Variants in RBFOX1 observed in about 807,000 individuals in gnomAD.
The protein encoded by RBFOX1 is RNA binding protein fox-1 homolog 1.
RBFOX1 carries 8 observed loss-of-function variants against 57.7 expected under a neutral mutation model. The observed-to-expected ratio is 0.14, with a 90% confidence interval of 0.08 to 0.25. The LOEUF is 0.25. Among genes scored for constraint, RBFOX1 ranks in the 10% least tolerant of loss-of-function variants. The probability of loss-of-function intolerance (pLI) is 1.00; values close to 1 mark genes in which losing one functional copy is unlikely to be tolerated. For missense variants in RBFOX1, 611 were observed against 548.5 expected (o/e 1.11, Z -1.14); for synonymous variants, 326 against 222.4 (o/e 1.47, Z -4.15).
At chr16:7,444,942 C>T (rs1166044027) in intron 4 of RBFOX1, among the ~76,000 whole-genome samples, 5 of 152,158 alleles carry the variant, frequency 3.3e-5, no homozygotes, top group East Asian at 1.9e-4. Flanking sequence ...TCAACAAATC[C>T]GTAATCATGG....
chr16:7,304,236 GA>G (rs2096114593), intron 4 of RBFOX1: 6 of 983,262 alleles, frequency 6.1e-6, no homozygotes, highest in African/African-American at 1.8e-5. Context: ...GAGAGAGAGA[GA>G]GAGAGAGAGA....
At chr16:7,119,050 G>A (rs557393195) in intron 4 of RBFOX1, among the ~76,000 whole-genome samples, 7 of 152,136 alleles carry the variant, frequency 4.6e-5, no homozygotes, top group Non-Finnish European at 8.8e-5. Context: ...TTGCAGGTGG[G>A]GCATTTTGTA....
intron 4 of RBFOX1, among the ~76,000 whole-genome samples, chr16:7,176,465 C>T (rs892512414): frequency 6.6e-6 from 1 of 151,928 alleles, no homozygotes; most frequent in Admixed American, 6.6e-5. Flanking sequence ...TACGAGGTAT[C>T]TATTATGTCA....
intron 2 of RBFOX1, among the ~76,000 whole-genome samples, chr16:6,336,528 GTAGAGAGGGCTGGATTTATAATC>G: frequency 6.6e-6 from 1 of 152,148 alleles, no homozygotes; most frequent in East Asian, 1.9e-4. Flanking sequence ...ATGATGTGCT[GTAGAGAGGGCTGGATTTATAATC>G]TAGAGAGGGC....
At chr16:5,325,505 T>C (rs1246171306) in intron 1 of RBFOX1, among the ~76,000 whole-genome samples, 1 of 152,194 alleles carries the variant, frequency 6.6e-6, no homozygotes, top group Non-Finnish European at 1.5e-5. Context: ...TTTTAACACA[T>C]ATATAGATTT....
chr16:7,419,533 C>G (rs1291251199), intron 4 of RBFOX1, among the ~76,000 whole-genome samples: 1 of 152,224 alleles, frequency 6.6e-6, no homozygotes, highest in Admixed American at 6.5e-5. Flanking sequence ...TTGAATAATA[C>G]ATCTGATTAC....
At chr16:7,089,381 G>A (rs571581749) in intron 4 of RBFOX1, among the ~76,000 whole-genome samples, 1 of 151,588 alleles carries the variant, frequency 6.6e-6, no homozygotes, top group South Asian at 2.1e-4. Context: ...AATTTTGAAT[G>A]TTTACAAATG....
intron 3 of RBFOX1, among the ~76,000 whole-genome samples, chr16:7,046,886 G>A (rs112536769): frequency 2.6e-5 from 4 of 151,948 alleles, no homozygotes; most frequent in Admixed American, 2.0e-4. Flanking sequence ...AATTACAGGC[G>A]TGAGCCCCTG....
intron 4 of RBFOX1, among the ~76,000 whole-genome samples, chr16:7,392,731 G>A (rs1009528920): frequency 2.0e-5 from 3 of 152,126 alleles, no homozygotes; most frequent in African/African-American, 7.2e-5. Flanking sequence ...CTTCAGGAGT[G>A]GTTTTGGCTA....
intron 4 of RBFOX1, among the ~76,000 whole-genome samples, chr16:7,130,887 G>A (rs1183501272): frequency 6.6e-6 from 1 of 152,122 alleles, no homozygotes; most frequent in Non-Finnish European, 1.5e-5. Flanking sequence ...GAGATGATGA[G>A]GCGACAGTGA....
intron 4 of RBFOX1, among the ~76,000 whole-genome samples, chr16:5,925,327 A>G (rs890746941): frequency 1.3e-5 from 2 of 152,226 alleles, no homozygotes; most frequent in Non-Finnish European, 2.9e-5. Context: ...TCAGCCTTGA[A>G]AAGGAATGAA....
chr16:5,657,410 G>A (rs2049464676), intron 3 of RBFOX1, among the ~76,000 whole-genome samples: 1 of 152,106 alleles, frequency 6.6e-6, no homozygotes, highest in Non-Finnish European at 1.5e-5. Context: ...GATGAAATTG[G>A]GACTGGAGTG....
intron 2 of RBFOX1, among the ~76,000 whole-genome samples, chr16:6,437,419 G>C (rs2094266103): frequency 6.6e-6 from 1 of 151,978 alleles, no homozygotes; most frequent in Non-Finnish European, 1.5e-5. Flanking sequence ...TTTTCCCTTG[G>C]TTCTAAGCTT....
intron 3 of RBFOX1, among the ~76,000 whole-genome samples, chr16:6,889,292 G>A (rs1021935017): frequency 8.5e-5 from 13 of 152,182 alleles, no homozygotes; most frequent in African/African-American, 4.8e-5. Flanking sequence ...CCAGTGAACT[G>A]TGAGCATAGG....
chr16:5,406,804 C>T (rs554030078), intron 1 of RBFOX1, among the ~76,000 whole-genome samples: 2 of 152,152 alleles, frequency 1.3e-5, no homozygotes, highest in South Asian at 4.2e-4. Flanking sequence ...GAATACAATT[C>T]AGTAGAGGGG....
chr16:7,330,513 TGTGTGTGTGTGTAGAGAG>T (rs1437997679), intron 4 of RBFOX1, among the ~76,000 whole-genome samples: 1 of 123,204 alleles, frequency 8.1e-6, no homozygotes, highest in Admixed American at 7.7e-5. Context: ...TGTGTGTTTG[TGTGTGTGTGTGTAGAGAG>T]AGAGAGAGAG....
intron 3 of RBFOX1, among the ~76,000 whole-genome samples, chr16:6,933,152 C>G (rs988571497): frequency 6.6e-6 from 1 of 152,176 alleles, no homozygotes; most frequent in African/African-American, 2.4e-5. Flanking sequence ...CATCTGTAGA[C>G]GCTTGGGTTC....
At chr16:7,039,016 T>C (rs2045359301) in intron 3 of RBFOX1, among the ~76,000 whole-genome samples, 2 of 146,248 alleles carry the variant, frequency 1.4e-5, no homozygotes, top group African/African-American at 5.2e-5. Flanking sequence ...ATAAGTACCA[T>C]TATTACCAAA....
chr16:5,667,229 C>T (rs938625088), intron 3 of RBFOX1, among the ~76,000 whole-genome samples: 4 of 151,930 alleles, frequency 2.6e-5, no homozygotes, highest in African/African-American at 9.7e-5. Context: ...GGGTTTATTT[C>T]ATTCTCCACT....
Sources: allele counts gnomAD v4.1 joint callset (sites outside exome capture counted in the v4.1 genomes callset), GRCh38; gene constraint gnomAD v4.1.1; transcripts MANE v1.5; gene names NCBI Gene and HGNC (gene_info 2026-07-23, HGNC 2026-07-21).